DSC3: variants seen among roughly 807,000 people sequenced by gnomAD.
DSC3 encodes desmocollin-3.
Under a neutral mutation model 89.5 loss-of-function variants are expected in DSC3, and 97 were observed. The observed-to-expected ratio is 1.08, with a 90% confidence interval of 0.92 to 1.28. The LOEUF (loss-of-function observed/expected upper bound fraction) is 1.28. DSC3 is among the 50% of genes most tolerant of loss of function. DSC3 has a pLI of 0.00. For missense variants in DSC3, 1,199 were observed against 1,085.3 expected (o/e 1.10, Z -1.47); for synonymous variants, 436 against 384.1 (o/e 1.14, Z -1.58).
intron 11 of DSC3, 72 bp from the exon 12 acceptor site, chr18:31,007,203 A>T (rs1389921910): frequency 9.8e-7 from 1 of 1,025,324 alleles, no homozygotes; most frequent in East Asian, 2.6e-5. Context: ...TAAAAAGTCA[A>T]TTATATTCTA....
intron 9 of DSC3, among the ~76,000 whole-genome samples, chr18:31,017,691 C>T (rs542676109): frequency 2.0e-5 from 3 of 152,000 alleles, no homozygotes; most frequent in Non-Finnish European, 2.9e-5. Context: ...AACATAGCAG[C>T]CTTTTCAAAA....
intron 1 of DSC3, among the ~76,000 whole-genome samples, chr18:31,037,081 G>T (rs276934): frequency 1.3e-5 from 2 of 151,794 alleles, no homozygotes; most frequent in Non-Finnish European, 2.9e-5. Context: ...GTGAGCCACC[G>T]CACTCGGCCG....
intron 6 of DSC3, among the ~76,000 whole-genome samples, chr18:31,022,866 T>A (rs1000628044): frequency 1.3e-5 from 2 of 152,186 alleles, no homozygotes; most frequent in Admixed American, 6.5e-5. Context: ...TCAGATTTTT[T>A]AAAAATTGGA....
chr18:30,994,271 G>A lies in DSC3; in HGVS notation c.2595C>T (p.Gly865=). The A allele has an allele frequency of 6.2e-7, 1 of 1,614,068 alleles. No homozygotes were observed. Among genetic ancestry groups the A allele is most frequent in the Admixed American group, 1.7e-5 (1 of 60,020 alleles). ...EGRGSPAGSV[G]CCSEKQEEDG... Reference sequence around the variant, plus strand: ...CTTCTTCCTGCTTTTCACTGCAGCAGCCCACAGAACCAGCTGGAGATCCTC... The same window carrying A: ...CTTCTTCCTGCTTTTCACTGCAGCAACCCACAGAACCAGCTGGAGATCCTC... Residue 865 remains glycine, a synonymous_variant, in exon 16 of 16, where the codon GGC becomes GGT. Coordinates refer to ENST00000360428, the MANE Select transcript of DSC3 (RefSeq NM_001941.5).
chr18:31,028,504 A>G (rs1020741080), intron 4 of DSC3, among the ~76,000 whole-genome samples: 7 of 152,072 alleles, frequency 4.6e-5, no homozygotes, highest in Admixed American at 2.0e-4. Context: ...ATATTCATGG[A>G]GAATAAACAA....
At chr18:31,021,999 T>C (rs1985435319) in intron 7 of DSC3, among the ~76,000 whole-genome samples, 1 of 152,026 alleles carries the variant, frequency 6.6e-6, no homozygotes, top group Non-Finnish European at 1.5e-5. Context: ...TGATCCACAC[T>C]CATAGAACAA....
At chr18:30,999,272 T>A (rs994156451) in intron 14 of DSC3, among the ~76,000 whole-genome samples, 2 of 152,184 alleles carry the variant, frequency 1.3e-5, no homozygotes, top group Non-Finnish European at 2.9e-5. Flanking sequence ...GAAAGATTTT[T>A]CAAATACAGA....
intron 1 of DSC3, among the ~76,000 whole-genome samples, chr18:31,035,888 T>C (rs1985953839): frequency 6.6e-6 from 1 of 152,190 alleles, no homozygotes; most frequent in Non-Finnish European, 1.5e-5. Flanking sequence ...TAGTATATGC[T>C]TGTGCCCATA....
At chr18:31,001,372 A>G (rs1228329941) in intron 14 of DSC3, among the ~76,000 whole-genome samples, 2 of 152,022 alleles carry the variant, frequency 1.3e-5, no homozygotes, top group Admixed American at 1.3e-4. Flanking sequence ...TAAATACTCA[A>G]CATCAAAGAA....
chr18:31,007,987 A>T (rs765316926), intron 11 of DSC3, 29 bp downstream of exon 11: 1 of 1,562,840 alleles, frequency 6.4e-7, no homozygotes, highest in Non-Finnish European at 8.8e-7. Flanking sequence ...ATTCCTTTAT[A>T]GAATACCAGA....
intron 11 of DSC3, 85 bp from the exon 12 acceptor site, chr18:31,007,216 C>T (rs1426033581): frequency 8.9e-6 from 8 of 902,570 alleles, no homozygotes; most frequent in Admixed American, 2.2e-5. Flanking sequence ...ATATTCTATA[C>T]ATGATCTGTT....
rs371962330 is a variant in DSC3 at position 31,007,055 on chromosome 18, T to C, written c.1740A>G (p.Glu580=). ...TTTTTGGTTTGCAAATGACTACATA[T>C]TCTTGAAGTATTTCTGGTGGATTAT... ...VNDNPPEILQ[E]YVVICKPKMG... is the part of the protein sequence containing the mutation. Residue 580 remains glutamate, a synonymous_variant, in exon 12 of 16, where the codon GAA becomes GAG. Transcript: ENST00000360428. 495 of 1,613,838 alleles carry C rather than the reference T, an allele frequency of 3.1e-4. No individual in the cohort carries two copies. Among genetic ancestry groups the C allele is most frequent in the Non-Finnish European group, 4.0e-4 (469 of 1,179,918 alleles).
chr18:31,022,286 G>T (rs531795809), intron 7 of DSC3, 50 bp downstream of exon 7: 3 of 1,606,606 alleles, frequency 1.9e-6, no homozygotes, highest in Non-Finnish European at 2.6e-6. Flanking sequence ...AAATGGGGGA[G>T]GGAAGCTTAA....
Position 31,007,007 on chromosome 18 carries a change from A to T in DSC3, c.1788T>A (p.Ala596=). 1 of 1,614,020 alleles carries T rather than the reference A, an allele frequency of 6.2e-7. No individual in the cohort carries two copies. Among genetic ancestry groups the T allele is most frequent in the South Asian group, 1.1e-5 (1 of 91,086 alleles). The change falls in exon 12 of 16, where the codon GCT becomes GCA. Residue 596 remains alanine (A), a synonymous_variant. Coordinates refer to ENST00000360428, the MANE Select transcript of DSC3 (RefSeq NM_001941.5). ...CATGGACAGGTTCATCAGGATCAAC[A>T]GCTAAAATGTCGGTATACCCCATTT... The part of the protein sequence containing the change: ...KPKMGYTDIL[A]VDPDEPVHGA...
Position 30,993,658 on chromosome 18 carries a change from C to T in DSC3, c.*517G>A, listed in dbSNP as rs1444960439. 1 of 155,256 alleles carries T rather than the reference C, an allele frequency of 6.4e-6. No individual in the cohort carries two copies. Among genetic ancestry groups the T allele is most frequent in the African/African-American group, 2.4e-5 (1 of 41,430 alleles). 9.6% of individuals were successfully genotyped at this position (155,256 alleles called of 1,614,324 possible). ...TGCTACTTCATAGGGCACTTCAACA[C>T]ATTTTGCCTCCAAAGTCAAATGAAT... On this transcript the variant is annotated 3_prime_UTR_variant, in exon 16 of 16. Coordinates refer to ENST00000360428, the MANE Select transcript of DSC3 (RefSeq NM_001941.5).
intron 4 of DSC3, among the ~76,000 whole-genome samples, chr18:31,028,492 T>C (rs1010802241): frequency 3.9e-5 from 6 of 152,064 alleles, no homozygotes; most frequent in African/African-American, 9.7e-5. Context: ...GTTCAAGTTA[T>C]AATATTCATG....
chr18:31,004,383 G>A lies in DSC3; in HGVS notation c.1889-17C>T. 1.3e-6 allele frequency: 2 copies of A among 1,599,888 alleles called. No individual in the cohort carries two copies. Among genetic ancestry groups the A allele is most frequent in the East Asian group, 2.2e-5 (1 of 44,798 alleles). On this transcript the variant is annotated splice_polypyrimidine_tract_variant and intron_variant, in intron 12 of 15. Transcript: ENST00000360428. ...CAGCTGTATCTGAAAGAAAATAAAA[G>A]AAGTTTATTTTTTAATGATCATTTA...
rs1342503856 is a variant in DSC3 at position 31,029,491 on chromosome 18, G to T, written c.474+18C>A. Reference sequence around the variant, plus strand: ...CTTAGAATTAAAGCAACCCTGACCAGAAAAGGTGTAAACCTACTTGTTGAA... The same window carrying T: ...CTTAGAATTAAAGCAACCCTGACCATAAAAGGTGTAAACCTACTTGTTGAA... On this transcript the variant is annotated intron_variant, in intron 4 of 15. Transcript: ENST00000360428. 1 of 1,613,440 alleles carries T rather than the reference G, an allele frequency of 6.2e-7. No homozygotes were observed. Among genetic ancestry groups the T allele is most frequent in the African/African-American group, 1.3e-5 (1 of 74,920 alleles).
At chr18:31,040,082 A>G (rs1986085408) in intron 1 of DSC3, among the ~76,000 whole-genome samples, 1 of 152,148 alleles carries the variant, frequency 6.6e-6, no homozygotes, top group Non-Finnish European at 1.5e-5. Context: ...CCTAACAAAT[A>G]TAAAAATTTG....
Sources: gnomAD v4.1 joint callset for allele counts (sites outside exome capture counted in the v4.1 genomes callset) on GRCh38, gnomAD v4.1.1 for gene constraint, MANE v1.5 for transcripts, NCBI Gene and HGNC (gene_info 2026-07-23, HGNC 2026-07-21) for gene names.